Variants in AHRR observed in about 807,000 individuals in gnomAD.
AHRR encodes ahR repressor.
Under a neutral mutation model 44.0 loss-of-function variants are expected in AHRR, and 28 were observed. The ratio of observed to expected loss-of-function variants is 0.64; its 90% CI spans 0.47 to 0.87. The LOEUF (loss-of-function observed/expected upper bound fraction) is 0.87, where lower values mean the gene tolerates loss of function less well. AHRR is among the 40% of genes least tolerant of loss of function. The pLI is 0.00. For synonymous variants in AHRR, 434 were observed against 407.0 expected (o/e 1.07, Z -0.80); for missense variants, 990 against 953.9 (o/e 1.04, Z -0.50).
At chr5:327,916 T>A (rs907512361) in intron 1 of AHRR, among the ~76,000 whole-genome samples, 16 of 152,282 alleles carry the variant, frequency 1.1e-4, no homozygotes, top group African/African-American at 3.9e-4. Flanking sequence ...GTATATCTCC[T>A]AATGCTATCC....
chr5:391,524 G>C (rs112105161), intron 4 of AHRR, among the ~76,000 whole-genome samples: 153 of 38,424 alleles, frequency 4.0e-3, no homozygotes, highest in East Asian at 0.015. Context: ...CGTGCATGGG[G>C]GCAGGGCGAG....
chr5:346,264 A>G (rs1742675505), intron 2 of AHRR, among the ~76,000 whole-genome samples: 1 of 152,168 alleles, frequency 6.6e-6, no homozygotes, highest in South Asian at 2.1e-4. Flanking sequence ...ATCACAGAAA[A>G]CTTAAAATCA....
intron 3 of AHRR, among the ~76,000 whole-genome samples, chr5:355,163 G>A (rs1742995787): frequency 6.6e-6 from 1 of 152,222 alleles, no homozygotes; most frequent in Non-Finnish European, 1.5e-5. Flanking sequence ...CAGGGCTGCT[G>A]GGTGGTGTTG....
At chr5:366,623 G>C (rs989430801) in intron 3 of AHRR, among the ~76,000 whole-genome samples, 12 of 152,130 alleles carry the variant, frequency 7.9e-5, no homozygotes, top group Non-Finnish European at 1.8e-4. Context: ...GATTTTTGTA[G>C]TCTTGAACAA....
At chr5:423,176 C>G (rs1356915281) in intron 6 of AHRR, among the ~76,000 whole-genome samples, 2 of 152,178 alleles carry the variant, frequency 1.3e-5, no homozygotes, top group Non-Finnish European at 2.9e-5. Flanking sequence ...GCAAACTCCC[C>G]TCAAGTCTCA....
intron 3 of AHRR, among the ~76,000 whole-genome samples, chr5:362,480 C>T (rs938902900): frequency 6.6e-6 from 1 of 152,216 alleles, no homozygotes; most frequent in Non-Finnish European, 1.5e-5. Flanking sequence ...AACCCTTTCC[C>T]TCACCCCCTT....
chr5:355,774 C>T (rs1175959887), intron 3 of AHRR, among the ~76,000 whole-genome samples: 1 of 152,236 alleles, frequency 6.6e-6, no homozygotes, highest in Non-Finnish European at 1.5e-5. Context: ...TGCTGCCCTG[C>T]TGGGAGGTGC....
intron 5 of AHRR, among the ~76,000 whole-genome samples, chr5:416,840 G>A (rs1735837595): frequency 6.6e-6 from 1 of 152,260 alleles, no homozygotes; most frequent in South Asian, 2.1e-4. Flanking sequence ...AAACAGAGCA[G>A]CTTCGGCTTG....
chr5:329,371 A>G (rs1741837084), intron 1 of AHRR, among the ~76,000 whole-genome samples: 1 of 152,082 alleles, frequency 6.6e-6, no homozygotes, highest in South Asian at 2.1e-4. Context: ...CTAATTTTAA[A>G]TTAAAATATG....
intron 3 of AHRR, among the ~76,000 whole-genome samples, chr5:366,391 C>T (rs1273781444): frequency 1.3e-5 from 2 of 151,508 alleles, no homozygotes; most frequent in African/African-American, 4.9e-5. Context: ...TGGGCTATAC[C>T]CCAGTGAATA....
chr5:383,542 A>G lies in AHRR; in HGVS notation c.351+6826A>G, dbSNP rs1193083686. 6.6e-6 allele frequency among the ~76,000 whole-genome samples: 1 copy of G among 151,294 alleles called. No individual in the cohort carries two copies. The highest frequency in any genetic ancestry group is 1.5e-5 in the Non-Finnish European group (1 of 67,868). On this transcript the variant is annotated intron_variant, in intron 4 of 10. Coordinates refer to ENST00000684583, the MANE Select transcript of AHRR (RefSeq NM_001377236.1). The surrounding 1 kb of genome is among the most constrained non-coding windows in gnomAD (Gnocchi z 4.0). Reference sequence around the variant, plus strand: ...GAAATCCACTTTGTCTGGTACTAATATAGCATTCCAGCTTTCTTTTCTTTT... The same window carrying G: ...GAAATCCACTTTGTCTGGTACTAATGTAGCATTCCAGCTTTCTTTTCTTTT...
At chr5:373,974 G>A (rs1743679270) in intron 3 of AHRR, among the ~76,000 whole-genome samples, 1 of 151,760 alleles carries the variant, frequency 6.6e-6, no homozygotes, top group Admixed American at 6.6e-5. Context: ...GATGCCGGGA[G>A]GGGCGCGCCC....
intron 4 of AHRR, among the ~76,000 whole-genome samples, chr5:401,095 A>G (rs1734997015): frequency 6.6e-6 from 1 of 152,206 alleles, no homozygotes; most frequent in South Asian, 2.1e-4. Context: ...GTTCCCTTTC[A>G]GCAGATGCCC....
rs531621356 is a variant in AHRR at position 398,311 on chromosome 5, G to A, written c.352-15033G>A. ...CATCCGTGTTAGCCCCTGACCTTCCGCGTTAGCCCCGACATTCCGCGTTAG... is the reference window on the plus strand; with the variant it reads ...CATCCGTGTTAGCCCCTGACCTTCCACGTTAGCCCCGACATTCCGCGTTAG... On this transcript the variant is annotated intron_variant, in intron 4 of 10. Transcript: ENST00000684583. Among the ~76,000 whole-genome samples the A allele has an allele frequency of 2.3e-3, 343 of 151,038 alleles. 1 individual carries two copies. The highest frequency in any genetic ancestry group is 4.2e-3 in the Non-Finnish European group (287 of 67,894).
Position 422,840 on chromosome 5 carries a change from C to G in AHRR, c.553C>G (p.Pro185Ala), listed in dbSNP as rs2292596. Residue 185 changes from proline (P) to alanine (A), a missense_variant, in exon 6 of 11, where the codon CCC (proline) becomes GCC (alanine). Pro to Ala is a conservative substitution (Grantham distance 27, BLOSUM62 -1). Coordinates refer to ENST00000684583, the MANE Select transcript of AHRR (RefSeq NM_001377236.1). ...MDPPQVVFGQ[P>A]PPLETGDDAI... ...CCCTCCCCAGGTGGTGTTTGGGCAG[C>G]CCCCGCCCTTGGAGACAGGTGGGTG... The G allele has an allele frequency of 0.38, 604,785 of 1,612,388 alleles. 117,292 individuals are homozygous for G. Among genetic ancestry groups the G allele is most frequent in the South Asian group, 0.45 (40,630 of 90,944 alleles).
chr5:432,681 C>T, intron 9 of AHRR, 125 bp from the exon 10 acceptor site: 2 of 1,544,850 alleles, frequency 1.3e-6, no homozygotes, highest in South Asian at 1.1e-5. Context: ...AGTGCCGTTC[C>T]TGGGCTCTGG....
At chr5:378,645 G>A (rs1171736255) in intron 4 of AHRR, among the ~76,000 whole-genome samples, 1 of 152,236 alleles carries the variant, frequency 6.6e-6, no homozygotes, top group East Asian at 1.9e-4. Flanking sequence ...GGATGGAGGA[G>A]TGGGGAGAGG....
rs754720449 is a variant in AHRR at position 343,932 on chromosome 5, G to T, written c.30G>T (p.Ala10=). The T allele has an allele frequency of 1.2e-6, 2 of 1,600,938 alleles. No homozygotes were observed. Among genetic ancestry groups the T allele is most frequent in the Non-Finnish European group, 1.7e-6 (2 of 1,174,406 alleles). The change falls in exon 2 of 11, where the codon GCG becomes GCT. Residue 10 remains alanine, a synonymous_variant. Transcript: ENST00000684583. ...TCCCGCCGGGGGAGTGCACGTACGC[G>T]GGCCGGAAGCGGAGGAGGCCCCTGC... is the stretch of plus-strand genomic sequence containing the variant. MIPPGECTY[A]GRKRRRPLQK... is the part of the protein sequence containing the mutation.
intron 5 of AHRR, among the ~76,000 whole-genome samples, chr5:415,596 C>G (rs868399527): frequency 3.1e-5 from 4 of 128,282 alleles, no homozygotes; most frequent in African/African-American, 1.4e-4. Context: ...GCCTAGGGGC[C>G]GAATCTGCCT....
Sources: gnomAD v4.1 joint callset for allele counts (sites outside exome capture counted in the v4.1 genomes callset) on GRCh38, gnomAD v4.1.1 for gene constraint, Gnocchi (gnomAD v3.1) non-coding constraint, MANE v1.5 for transcripts, NCBI Gene and HGNC (gene_info 2026-07-23, HGNC 2026-07-21) for gene names.